Variants in FAM107B observed in about 807,000 individuals in gnomAD.
FAM107B encodes protein FAM107B.
FAM107B carries 21 observed loss-of-function variants against 31.5 expected under a neutral mutation model. That is an observed-to-expected ratio of 0.67 (90% CI 0.47 to 0.96). The LOEUF (loss-of-function observed/expected upper bound fraction) is 0.96, where lower values mean the gene tolerates loss of function less well. FAM107B is among the 40% of genes least tolerant of loss of function. The probability of loss-of-function intolerance (pLI) is 0.00; values close to 1 mark genes in which losing one functional copy is unlikely to be tolerated. For missense variants in FAM107B, 452 were observed against 377.1 expected (o/e 1.20, Z -1.64); for synonymous variants, 157 against 141.5 (o/e 1.11, Z -0.78).
chr10:14,742,977 A>C (rs963805082), intron 1 of FAM107B, among the ~76,000 whole-genome samples: 5 of 151,632 alleles, frequency 3.3e-5, no homozygotes, highest in Non-Finnish European at 7.4e-5. Flanking sequence ...TGGTCTTCCT[A>C]CTTCCTCTTT....
chr10:14,710,431 TACACACACACACACACAC>T (rs57418409), intron 1 of FAM107B, among the ~76,000 whole-genome samples: 80 of 146,526 alleles, frequency 5.5e-4, no homozygotes, highest in African/African-American at 1.8e-3. Context: ...TCTCTAAAAA[TACACACACACACACACAC>T]ACACACACAC....
chr10:14,746,842 T>A (rs1354350038), intron 1 of FAM107B, among the ~76,000 whole-genome samples: 1 of 152,210 alleles, frequency 6.6e-6, no homozygotes, highest in Non-Finnish European at 1.5e-5. Context: ...TGTTGATCTA[T>A]CTTGTCAGGT....
intron 2 of FAM107B, among the ~76,000 whole-genome samples, chr10:14,569,458 G>A (rs866225382): frequency 1.4e-4 from 21 of 152,222 alleles, no homozygotes; most frequent in African/African-American, 5.1e-4. Context: ...ATCATAACAT[G>A]TGGTGATCTA....
At chr10:14,607,859 G>C (rs1463291678) in intron 2 of FAM107B, among the ~76,000 whole-genome samples, 1 of 152,148 alleles carries the variant, frequency 6.6e-6, no homozygotes, top group Non-Finnish European at 1.5e-5. Flanking sequence ...TAGATTCTCT[G>C]ATCTTGCATT....
intron 2 of FAM107B, chr10:14,553,391 T>A (rs1564558793): frequency 1.2e-4 from 138 of 1,125,972 alleles, no homozygotes; most frequent in East Asian, 3.8e-4. Flanking sequence ...CATTCTCCTT[T>A]AAAAAAAAAA....
intron 2 of FAM107B, among the ~76,000 whole-genome samples, chr10:14,562,047 A>C (rs556752525): frequency 6.6e-6 from 1 of 152,168 alleles, no homozygotes. Flanking sequence ...TGGCCTCCCA[A>C]AGTGGTAGGA....
At chr10:14,556,629 C>T (rs944079923) in intron 2 of FAM107B, among the ~76,000 whole-genome samples, 15 of 152,382 alleles carry the variant, frequency 9.8e-5, no homozygotes, top group African/African-American at 1.7e-4. Flanking sequence ...CCTGGCTTCA[C>T]AAGGCATCCT....
chr10:14,718,892 T>C (rs774352636), intron 1 of FAM107B, among the ~76,000 whole-genome samples: 28 of 152,122 alleles, frequency 1.8e-4, no homozygotes, highest in Non-Finnish European at 3.7e-4. Flanking sequence ...ATAGCCATGA[T>C]CATTTTTGAC....
At chr10:14,648,516 C>T (rs546625821) in intron 2 of FAM107B, among the ~76,000 whole-genome samples, 11 of 152,318 alleles carry the variant, frequency 7.2e-5, no homozygotes, top group African/African-American at 2.2e-4. Context: ...AAAGCTCAGA[C>T]GTCATGGTAA....
intron 1 of FAM107B, among the ~76,000 whole-genome samples, chr10:14,692,332 G>C (rs1855157910): frequency 6.6e-6 from 1 of 152,058 alleles, no homozygotes. Context: ...TTGGAGATTG[G>C]GGTATTCGTA....
At chr10:14,586,509 G>C (rs756745009) in intron 2 of FAM107B, among the ~76,000 whole-genome samples, 3 of 152,144 alleles carry the variant, frequency 2.0e-5, no homozygotes, top group Non-Finnish European at 4.4e-5. Context: ...TTAAGTCATA[G>C]AAGTGGAGCC....
chr10:14,559,144 T>C (rs1417232248), intron 2 of FAM107B, among the ~76,000 whole-genome samples: 2 of 145,174 alleles, frequency 1.4e-5, no homozygotes, highest in African/African-American at 2.6e-5. Flanking sequence ...GGTGTCTAGC[T>C]CCAGCACAGG....
intron 2 of FAM107B, among the ~76,000 whole-genome samples, chr10:14,595,153 T>G (rs1051498968): frequency 6.6e-6 from 1 of 152,140 alleles, no homozygotes; most frequent in African/African-American, 2.4e-5. Flanking sequence ...GGGGGGAGGC[T>G]GCCCACCCTT....
At chr10:14,671,877 A>C (rs1425396684) in intron 1 of FAM107B, among the ~76,000 whole-genome samples, 3 of 46,526 alleles carry the variant, frequency 6.4e-5, no homozygotes, top group Admixed American at 4.5e-4. Context: ...TTATTTAAAA[A>C]AAAAAAACAA....
At chr10:14,628,112 GTTTT>G (rs71505033) in intron 2 of FAM107B, among the ~76,000 whole-genome samples, 5 of 92,688 alleles carry the variant, frequency 5.4e-5, no homozygotes, top group South Asian at 4.6e-4. Flanking sequence ...TGTTTTGCTG[GTTTT>G]TTTTTTTTTT....
At chr10:14,629,448 ATATATATAT>A (rs1853284860) in intron 2 of FAM107B, among the ~76,000 whole-genome samples, 1 of 6,748 alleles carries the variant, frequency 1.5e-4, no homozygotes, top group African/African-American at 9.8e-4. Context: ...TATATATATT[ATATATATAT>A]TATATATATA....
At chr10:14,753,998 G>T (rs994396822) in intron 1 of FAM107B, among the ~76,000 whole-genome samples, 4 of 150,580 alleles carry the variant, frequency 2.7e-5, no homozygotes, top group African/African-American at 4.9e-5. Flanking sequence ...GAGTGCAGTG[G>T]CACCATCTCA....
At chr10:14,600,225 C>T (rs752282957) in intron 2 of FAM107B, among the ~76,000 whole-genome samples, 3 of 152,220 alleles carry the variant, frequency 2.0e-5, no homozygotes, top group African/African-American at 4.8e-5. Context: ...CAGGACACCA[C>T]GTCCTACCAC....
At position 14,733,899 on chromosome 10, in the gene FAM107B, G is replaced by A. The variant is rs114459761; in HGVS notation, c.411+40354C>T. ...GCCATATTAACTGCATAAACCCTTT[G>A]GAAGTATTTTCAACAAATGTCCTTG... is the stretch of plus-strand genomic sequence containing the variant. On this transcript the variant is annotated intron_variant, in intron 1 of 4. Transcript: ENST00000181796. Among the ~76,000 whole-genome samples, 1,429 of 152,228 alleles carry A rather than the reference G, an allele frequency of 9.4e-3. 24 individuals carry two copies. The highest frequency in any genetic ancestry group is 0.033 in the African/African-American group (1,369 of 41,522).
Sources: gnomAD v4.1 joint callset for allele counts (sites outside exome capture counted in the v4.1 genomes callset) on GRCh38, gnomAD v4.1.1 for gene constraint, MANE v1.5 for transcripts, NCBI Gene and HGNC (gene_info 2026-07-23, HGNC 2026-07-21) for gene names.